Variants in CADM2 observed in about 807,000 individuals in gnomAD.
The protein encoded by CADM2 is cell adhesion molecule 2.
Under a neutral mutation model 49.8 loss-of-function variants are expected in CADM2, and 12 were observed. The ratio of observed to expected loss-of-function variants is 0.24; its 90% confidence interval spans 0.15 to 0.39. The LOEUF (loss-of-function observed/expected upper bound fraction) is 0.39, where lower values mean the gene tolerates loss of function less well. Among genes scored for constraint, CADM2 ranks in the 10% least tolerant of loss-of-function variants. CADM2 has a pLI of 1.00. For synonymous variants in CADM2, 214 were observed against 175.4 expected, an observed-to-expected ratio of 1.22 and a Z score of -1.74; for missense variants, 378 against 492.3, an observed-to-expected ratio of 0.77 and a Z score of 2.20.
chr3:85,989,003 A>G (rs1259823066), intron 8 of CADM2, among the ~76,000 whole-genome samples: 2 of 152,176 alleles, frequency 1.3e-5, no homozygotes, highest in Non-Finnish European at 2.9e-5. Flanking sequence ...ATGAAGGACA[A>G]TGGTATTCTA....
At chr3:86,022,754 G>A (rs549839494) in intron 8 of CADM2, among the ~76,000 whole-genome samples, 2 of 152,032 alleles carry the variant, frequency 1.3e-5, no homozygotes, top group South Asian at 4.1e-4. Flanking sequence ...ATTTAACCTA[G>A]GTTATTCAAT....
At chr3:85,065,213 G>T (rs1356448611) in intron 1 of CADM2, among the ~76,000 whole-genome samples, 1 of 151,862 alleles carries the variant, frequency 6.6e-6, no homozygotes, top group Admixed American at 6.6e-5. Context: ...TTTGCATTTA[G>T]TTTAGCTATT....
chr3:85,433,137 C>T (rs9860769), intron 1 of CADM2, among the ~76,000 whole-genome samples: 85,687 of 141,190 alleles, frequency 0.61, 25,229 homozygotes, highest in East Asian at 0.84. Flanking sequence ...ATTTCTGAGT[C>T]CTCTTTTTTT....
intron 1 of CADM2, among the ~76,000 whole-genome samples, chr3:85,141,375 A>G (rs2039570727): frequency 6.6e-6 from 1 of 152,178 alleles, no homozygotes; most frequent in Non-Finnish European, 1.5e-5. Flanking sequence ...TAACACATGT[A>G]AAGTGCTTAA....
chr3:85,256,466 A>C (rs2107875784), intron 1 of CADM2, among the ~76,000 whole-genome samples: 1 of 152,226 alleles, frequency 6.6e-6, no homozygotes, highest in East Asian at 1.9e-4. Context: ...CTATTCAAAA[A>C]GAGCTACAAC....
At chr3:85,295,422 G>C (rs112987760) in intron 1 of CADM2, among the ~76,000 whole-genome samples, 60 of 152,142 alleles carry the variant, frequency 3.9e-4, no homozygotes, top group African/African-American at 1.0e-3. Flanking sequence ...ACCATTTGAC[G>C]CAGCCATCCC....
chr3:85,681,341 T>G (rs898491876), intron 1 of CADM2, among the ~76,000 whole-genome samples: 18 of 152,090 alleles, frequency 1.2e-4, no homozygotes, highest in Non-Finnish European at 2.2e-4. Flanking sequence ...TATAGAGAGA[T>G]AAGAAGAATA....
chr3:85,510,761 C>T (rs1249220215), intron 1 of CADM2, among the ~76,000 whole-genome samples: 1 of 151,962 alleles, frequency 6.6e-6, no homozygotes, highest in Non-Finnish European at 1.5e-5. Context: ...TTTCATTCAT[C>T]TATCTATTTA....
chr3:85,235,743 C>G (rs1376600547), intron 1 of CADM2, among the ~76,000 whole-genome samples: 1 of 151,934 alleles, frequency 6.6e-6, no homozygotes, highest in Non-Finnish European at 1.5e-5. Context: ...TTTTTATGTC[C>G]TCTTATAGAT....
chr3:85,515,416 TGTTTGTTTC>T (rs1463458197), intron 1 of CADM2, among the ~76,000 whole-genome samples: 1 of 86,194 alleles, frequency 1.2e-5, no homozygotes, highest in African/African-American at 2.9e-5. Context: ...TTTGTTTGTT[TGTTTGTTTC>T]TTTTTTTTTT....
intron 3 of CADM2, among the ~76,000 whole-genome samples, chr3:85,855,276 C>T (rs1348219889): frequency 6.6e-6 from 1 of 152,106 alleles, no homozygotes; most frequent in Non-Finnish European, 1.5e-5. Context: ...TTTGGTCTGT[C>T]TCCTCACCCC....
chr3:85,678,441 A>C (rs143207588), intron 1 of CADM2, among the ~76,000 whole-genome samples: 2 of 152,162 alleles, frequency 1.3e-5, no homozygotes, highest in Admixed American at 1.3e-4. Context: ...CTGAGTGCCA[A>C]CTGGTCTTCA....
chr3:85,677,035 C>G (rs2065904952), intron 1 of CADM2, among the ~76,000 whole-genome samples: 1 of 152,124 alleles, frequency 6.6e-6, no homozygotes, highest in Non-Finnish European at 1.5e-5. Flanking sequence ...TCTCATTGCT[C>G]AGGCCCACAT....
At chr3:85,421,047 C>T (rs1315804897) in intron 1 of CADM2, among the ~76,000 whole-genome samples, 1 of 151,972 alleles carries the variant, frequency 6.6e-6, no homozygotes, top group Non-Finnish European at 1.5e-5. Context: ...GTGTGAATGT[C>T]TATTAATATT....
At chr3:85,701,858 AAGATAGATAGATAGATAGATAGAT>A (rs56934991) in intron 1 of CADM2, among the ~76,000 whole-genome samples, 16 of 146,724 alleles carry the variant, frequency 1.1e-4, no homozygotes, top group Non-Finnish European at 1.5e-4. Context: ...TCTGTTGTAA[AAGATAGATAGATAGATAGATAGAT>A]AGATAGATAG....
intron 6 of CADM2, among the ~76,000 whole-genome samples, chr3:85,923,114 C>T (rs981220299): frequency 6.6e-6 from 1 of 152,006 alleles, no homozygotes; most frequent in Admixed American, 6.6e-5. Context: ...TGAGCCACCG[C>T]GCCCGGCCGA....
intron 1 of CADM2, among the ~76,000 whole-genome samples, chr3:85,627,417 T>G (rs1405142821): frequency 6.6e-6 from 1 of 152,044 alleles, no homozygotes. Context: ...ATATGAATAT[T>G]CATATATATA....
chr3:84,970,251 C>T (rs189896999), intron 1 of CADM2, among the ~76,000 whole-genome samples: 98 of 144,042 alleles, frequency 6.8e-4, no homozygotes, highest in African/African-American at 2.4e-3. Context: ...GTTGATGACA[C>T]ATATATGCTG....
At chr3:85,745,210 T>G (rs1037565235) in intron 2 of CADM2, among the ~76,000 whole-genome samples, 10 of 152,180 alleles carry the variant, frequency 6.6e-5, no homozygotes, top group Non-Finnish European at 1.0e-4. Flanking sequence ...ATAAAATAAT[T>G]GTTCATAATG....
Sources: gnomAD v4.1 joint callset for allele counts (sites outside exome capture counted in the v4.1 genomes callset) on GRCh38, gnomAD v4.1.1 for gene constraint, MANE v1.5 for transcripts, NCBI Gene and HGNC (gene_info 2026-07-23, HGNC 2026-07-21) for gene names.